ZNF609: variants seen among roughly 807,000 people sequenced by gnomAD.
The protein encoded by ZNF609 is zinc finger protein 609.
Under a neutral mutation model 109.5 loss-of-function variants are expected in ZNF609, and 11 were observed. The ratio of observed to expected loss-of-function variants is 0.10; its 90% CI spans 0.06 to 0.17. ZNF609 has a LOEUF of 0.17. Ranked by LOEUF, ZNF609 falls within the 10% of genes least tolerant of loss-of-function variation. The probability of loss-of-function intolerance (pLI) is 1.00; values close to 1 mark genes in which losing one functional copy is unlikely to be tolerated. For synonymous variants in ZNF609, 646 were observed against 662.0 expected (o/e 0.98, Z 0.37); for missense variants, 1,559 against 1,772.4 (o/e 0.88, Z 2.16).
chr15:64,511,916 T>C (rs1002805017), intron 2 of ZNF609, among the ~76,000 whole-genome samples: 1 of 151,970 alleles, frequency 6.6e-6, no homozygotes, highest in African/African-American at 2.4e-5. Flanking sequence ...GATTTCACCA[T>C]GTTGGCCAGG....
At position 64,460,705 on chromosome 15, in the gene ZNF609, G is replaced by A. The variant is rs1300223508; in HGVS notation, c.-261G>A. 2.0e-5 allele frequency: 3 copies of A among 147,524 alleles called. No homozygotes were observed. The highest frequency in any genetic ancestry group is 4.1e-4 in the East Asian group (2 of 4,856). 9.1% of individuals were successfully genotyped at this position (147,524 alleles called of 1,614,324 possible). A position where few individuals can be genotyped will look rare whatever the true frequency, so the allele number is the denominator to read the frequency against. ...GGGGCAGAGAGCCAGAGCCGGAGCC[G>A]GAGCCGGAGCCGGGGTGGGGTGGGG... On this transcript the variant is annotated 5_prime_UTR_variant, in exon 1 of 10. Transcript: ENST00000326648.
intron 1 of ZNF609, among the ~76,000 whole-genome samples, chr15:64,481,508 C>T (rs182676603): frequency 4.5e-4 from 69 of 151,678 alleles, no homozygotes; most frequent in Middle Eastern, 3.4e-3. Context: ...TTAGTAGAGG[C>T]GGGGTTTCTT....
At chr15:64,462,859 G>A (rs1892962600) in intron 1 of ZNF609, among the ~76,000 whole-genome samples, 1 of 152,168 alleles carries the variant, frequency 6.6e-6, no homozygotes, top group Non-Finnish European at 1.5e-5. Flanking sequence ...TGGGTCTTAG[G>A]GATTATTAGT....
At chr15:64,637,446 C>G (rs1402914954) in intron 3 of ZNF609, among the ~76,000 whole-genome samples, 1 of 152,186 alleles carries the variant, frequency 6.6e-6, no homozygotes, top group Non-Finnish European at 1.5e-5. Context: ...GTATGATCAA[C>G]TTGAATAGAC....
At chr15:64,508,568 C>G (rs1011366576) in intron 2 of ZNF609, among the ~76,000 whole-genome samples, 10 of 151,798 alleles carry the variant, frequency 6.6e-5, no homozygotes, top group African/African-American at 2.4e-4. Flanking sequence ...TTTCTTTTCC[C>G]TTCATATAAA....
chr15:64,571,275 G>A (rs1567017453), intron 2 of ZNF609, among the ~76,000 whole-genome samples: 1 of 152,226 alleles, frequency 6.6e-6, no homozygotes, highest in East Asian at 1.9e-4. Flanking sequence ...CATAAGAAGA[G>A]CTAATAATAC....
chr15:64,567,973 C>T (rs1894804502), intron 2 of ZNF609, among the ~76,000 whole-genome samples: 1 of 152,022 alleles, frequency 6.6e-6, no homozygotes, highest in African/African-American at 2.4e-5. Context: ...GATATTTTCT[C>T]CCTCCCAACA....
chr15:64,500,388 TTTG>T (rs1273349653), intron 2 of ZNF609: 1 of 762,332 alleles, frequency 1.3e-6, no homozygotes, highest in Non-Finnish European at 2.3e-6. Context: ...GAACAGGATA[TTTG>T]TTGTTGGGGG....
At chr15:64,471,854 AT>A (rs1893096411) in intron 1 of ZNF609, among the ~76,000 whole-genome samples, 1 of 152,026 alleles carries the variant, frequency 6.6e-6, no homozygotes, top group Non-Finnish European at 1.5e-5. Context: ...AAGTGCTGGG[AT>A]TACAGGCATG....
intron 2 of ZNF609, among the ~76,000 whole-genome samples, chr15:64,568,010 C>A (rs1374078466): frequency 6.6e-6 from 1 of 152,018 alleles, no homozygotes; most frequent in African/African-American, 2.4e-5. Context: ...TTTAAACATA[C>A]AGAAAAGTTA....
chr15:64,511,579 A>T (rs934442888), intron 2 of ZNF609, among the ~76,000 whole-genome samples: 6 of 152,028 alleles, frequency 3.9e-5, no homozygotes, highest in Non-Finnish European at 5.9e-5. Context: ...ATGTTACAGA[A>T]ATTAACATTC....
At chr15:64,572,805 G>T (rs1894878221) in intron 2 of ZNF609, among the ~76,000 whole-genome samples, 2 of 152,176 alleles carry the variant, frequency 1.3e-5, no homozygotes, top group South Asian at 4.1e-4. Flanking sequence ...GGAAGCTGAG[G>T]CAGGAGAATT....
chr15:64,618,285 T>G (rs891917849), intron 2 of ZNF609, among the ~76,000 whole-genome samples: 1 of 151,722 alleles, frequency 6.6e-6, no homozygotes, highest in Non-Finnish European at 1.5e-5. Flanking sequence ...GCAATGGGAG[T>G]GTGGCTCACT....
intron 1 of ZNF609, among the ~76,000 whole-genome samples, chr15:64,466,116 CAAAAAAAA>C (rs749648623): frequency 1.6e-4 from 13 of 81,894 alleles, no homozygotes; most frequent in African/African-American, 6.0e-4. Flanking sequence ...AACCCTGTCT[CAAAAAAAA>C]AAAAAAAAAA....
intron 2 of ZNF609, among the ~76,000 whole-genome samples, chr15:64,596,103 G>T (rs1895393033): frequency 6.6e-6 from 1 of 152,138 alleles, no homozygotes; most frequent in Non-Finnish European, 1.5e-5. Flanking sequence ...GGTGTGTCTA[G>T]TAATATGAAA....
Position 64,676,239 on chromosome 15 carries a change from A to G in ZNF609, c.3385A>G (p.Ile1129Val), listed in dbSNP as rs576851399. The change falls in exon 5 of 10, where the codon ATA (isoleucine) becomes GTA (valine). Residue 1129 changes from isoleucine (I) to valine (V), a missense_variant. Transcript: ENST00000326648. ...ECGRQAEMDP[I>V]LWYRQEAEPR... is the part of the protein sequence containing the mutation. ...TGGTCGACAGGCAGAGATGGATCCA[A>G]TACTCTGGTACCGACAGGTAACTGT... 1.5e-4 allele frequency: 247 copies of G among 1,610,972 alleles called. 3 individuals are homozygous for G. The East Asian group carries it at 5.1e-3, about 33-fold the overall frequency.
At chr15:64,527,241 G>A (rs1332398993) in intron 2 of ZNF609, among the ~76,000 whole-genome samples, 1 of 149,626 alleles carries the variant, frequency 6.7e-6, no homozygotes, top group African/African-American at 2.5e-5. Flanking sequence ...TGAGGATGCA[G>A]GGTTAAAAGA....
intron 3 of ZNF609, among the ~76,000 whole-genome samples, chr15:64,627,710 C>T (rs1895993322): frequency 7.2e-6 from 1 of 138,762 alleles, no homozygotes; most frequent in Admixed American, 8.0e-5. Flanking sequence ...CTGTGTCACC[C>T]AGCCTGGAGT....
At chr15:64,664,343 T>C (rs1369413032) in intron 3 of ZNF609, among the ~76,000 whole-genome samples, 7 of 152,216 alleles carry the variant, frequency 4.6e-5, no homozygotes, top group Non-Finnish European at 8.8e-5. Context: ...TAGTGAGTAC[T>C]CTAAAACTTA....
Sources: allele counts gnomAD v4.1 joint callset (sites outside exome capture counted in the v4.1 genomes callset), GRCh38; gene constraint gnomAD v4.1.1; transcripts MANE v1.5; gene names NCBI Gene and HGNC (gene_info 2026-07-23, HGNC 2026-07-21).